TAFA2: variants seen among roughly 807,000 people sequenced by gnomAD.
The protein encoded by TAFA2 is TAFA chemokine like family member 2.
Under a neutral mutation model 18.8 loss-of-function variants are expected in TAFA2, and 7 were observed. The ratio of observed to expected loss-of-function variants is 0.37; its 90% CI spans 0.21 to 0.70. TAFA2 has a LOEUF of 0.70. Among genes scored for constraint, TAFA2 ranks in the 30% least tolerant of loss-of-function variants. The pLI is 0.53. For synonymous variants in TAFA2, 60 were observed against 54.2 expected, an observed-to-expected ratio of 1.11 and a Z score of -0.47; for missense variants, 122 against 158.1, an observed-to-expected ratio of 0.77 and a Z score of 1.23.
intron 1 of TAFA2, among the ~76,000 whole-genome samples, chr12:62,128,024 G>GA (rs1009077934): frequency 6.6e-6 from 1 of 151,502 alleles, no homozygotes; most frequent in South Asian, 2.1e-4. Flanking sequence ...ATCAAGGCAA[G>GA]AAAAAAAATG....
intron 1 of TAFA2, among the ~76,000 whole-genome samples, chr12:62,034,439 C>T (rs1881546874): frequency 6.6e-6 from 1 of 152,192 alleles, no homozygotes; most frequent in South Asian, 2.1e-4. Context: ...TCTTATTACT[C>T]TCTTTAGCTG....
At chr12:62,146,294 T>TC (rs1165797884) in intron 1 of TAFA2, among the ~76,000 whole-genome samples, 1 of 149,400 alleles carries the variant, frequency 6.7e-6, no homozygotes, top group Non-Finnish European at 1.5e-5. Context: ...CTTTTTTTTT[T>TC]TTTTTTTTTG....
At chr12:62,198,728 G>A (rs2062659293) in intron 1 of TAFA2, among the ~76,000 whole-genome samples, 1 of 152,142 alleles carries the variant, frequency 6.6e-6, no homozygotes, top group African/African-American at 2.4e-5. Context: ...ATGGAAGGAA[G>A]CACAGAATTC....
intron 4 of TAFA2, among the ~76,000 whole-genome samples, chr12:61,723,183 G>T (rs1194297751): frequency 2.0e-5 from 3 of 152,034 alleles, no homozygotes; most frequent in Non-Finnish European, 4.4e-5. Flanking sequence ...TCAGCACTTT[G>T]TCATAGTTCT....
intron 1 of TAFA2, among the ~76,000 whole-genome samples, chr12:61,979,666 AAAG>A (rs946639407): frequency 1.1e-4 from 17 of 152,084 alleles, no homozygotes; most frequent in Admixed American, 9.2e-4. Context: ...GAAATTAAGA[AAAG>A]AAATGAAAAG....
At chr12:62,026,581 CTA>C (rs1445230822) in intron 1 of TAFA2, among the ~76,000 whole-genome samples, 1 of 152,162 alleles carries the variant, frequency 6.6e-6, no homozygotes, top group Non-Finnish European at 1.5e-5. Context: ...TCTGATTCCT[CTA>C]TCAGCTGGCA....
intron 1 of TAFA2, among the ~76,000 whole-genome samples, chr12:62,164,326 T>G (rs2062425360): frequency 6.6e-6 from 1 of 152,152 alleles, no homozygotes; most frequent in East Asian, 1.9e-4. Context: ...AGATCCATTT[T>G]TATACTCTGG....
chr12:62,010,939 G>A (rs200366585), intron 1 of TAFA2, among the ~76,000 whole-genome samples: 4 of 113,768 alleles, frequency 3.5e-5, no homozygotes, highest in South Asian at 3.1e-4. Context: ...GGTGGGGAGC[G>A]CCTCTGCCCG....
chr12:61,817,703 A>G (rs1872142373), intron 2 of TAFA2, among the ~76,000 whole-genome samples: 1 of 152,218 alleles, frequency 6.6e-6, no homozygotes, highest in Admixed American at 6.5e-5. Context: ...TGCACAGAGC[A>G]GCCATAAAAA....
chr12:62,098,146 T>C (rs1405124555), intron 1 of TAFA2, among the ~76,000 whole-genome samples: 1 of 152,184 alleles, frequency 6.6e-6, no homozygotes, highest in Non-Finnish European at 1.5e-5. Context: ...ACTTGACATC[T>C]ATAAACACTA....
intron 1 of TAFA2, among the ~76,000 whole-genome samples, chr12:61,903,718 T>G (rs575187301): frequency 1.2e-4 from 19 of 152,228 alleles, no homozygotes; most frequent in Non-Finnish European, 7.3e-5. Flanking sequence ...TATTCTTTAA[T>G]TTTAAGAAGT....
chr12:62,224,465 G>A (rs1307600245), intron 1 of TAFA2, among the ~76,000 whole-genome samples: 1 of 152,054 alleles, frequency 6.6e-6, no homozygotes, highest in Non-Finnish European at 1.5e-5. Flanking sequence ...ATGGTGGAAG[G>A]GGCCAGGGAG....
chr12:61,892,786 A>G (rs927401505), intron 1 of TAFA2, among the ~76,000 whole-genome samples: 14 of 152,204 alleles, frequency 9.2e-5, no homozygotes, highest in Non-Finnish European at 1.9e-4. Flanking sequence ...TTGCAGTGAG[A>G]AAAGATCGTT....
intron 1 of TAFA2, among the ~76,000 whole-genome samples, chr12:62,059,157 G>GTGTGTGTGTGTGCGTA (rs1882277595): frequency 6.6e-5 from 10 of 150,488 alleles, no homozygotes; most frequent in African/African-American, 2.0e-4. Context: ...GTGTGTGTGT[G>GTGTGTGTGTGTGCGTA]TGTGTGTGTG....
In TAFA2 at chr12:62,032,197, C is replaced by T. The variant is rs1296277232; in HGVS notation, c.-2+159062G>A. On this transcript the variant is annotated intron_variant, in intron 1 of 4. Transcript: ENST00000416284. ...TCTCTCTTGGCAATTTTAACAATAA[C>T]ATAATGTTTAAAATATGGAGCAGGA... is the stretch of plus-strand genomic sequence containing the variant. Among the ~76,000 whole-genome samples the T allele has an allele frequency of 4.6e-5, 7 of 152,054 alleles. No individual in the cohort carries two copies. The East Asian group carries it at 1.3e-3, about 29-fold the overall frequency.
chr12:62,248,497 T>C (rs1045739542), intron 1 of TAFA2, among the ~76,000 whole-genome samples: 13 of 152,222 alleles, frequency 8.5e-5, no homozygotes, highest in Non-Finnish European at 1.8e-4. Context: ...ATGAGGTGTA[T>C]AACCTTTTTA....
intron 1 of TAFA2, among the ~76,000 whole-genome samples, chr12:62,248,138 G>A (rs1201920494): frequency 2.0e-5 from 3 of 152,216 alleles, no homozygotes; most frequent in Non-Finnish European, 4.4e-5. Context: ...CTCACAGACT[G>A]AATACCAGGT....
chr12:61,808,256 C>G (rs2120994972), intron 2 of TAFA2, among the ~76,000 whole-genome samples: 1 of 151,676 alleles, frequency 6.6e-6, no homozygotes, highest in South Asian at 2.1e-4. Flanking sequence ...TTTCCCTGCA[C>G]AAGCTCTCTT....
At chr12:62,171,825 C>T (rs1435260628) in intron 1 of TAFA2, among the ~76,000 whole-genome samples, 1 of 152,184 alleles carries the variant, frequency 6.6e-6, no homozygotes, top group Non-Finnish European at 1.5e-5. Flanking sequence ...CCCCTACCAA[C>T]AGACAAAAAT....
Sources: allele counts gnomAD v4.1 joint callset (sites outside exome capture counted in the v4.1 genomes callset), GRCh38; gene constraint gnomAD v4.1.1; transcripts MANE v1.5; gene names NCBI Gene and HGNC (gene_info 2026-07-23, HGNC 2026-07-21).